RABGAP1L: variants seen among roughly 807,000 people sequenced by gnomAD.
The protein encoded by RABGAP1L is rab GTPase-activating protein 1-like.
RABGAP1L carries 63 observed loss-of-function variants against 137.7 expected under a neutral mutation model. That is an observed-to-expected ratio of 0.46 (90% confidence interval 0.37 to 0.56). The LOEUF (loss-of-function observed/expected upper bound fraction) is 0.56, where lower values mean the gene tolerates loss of function less well. Ranked by LOEUF, RABGAP1L falls within the 20% of genes least tolerant of loss-of-function variation. The probability of loss-of-function intolerance (pLI) is 0.00; values close to 1 mark genes in which losing one functional copy is unlikely to be tolerated. For synonymous variants in RABGAP1L, 431 were observed against 433.7 expected, an observed-to-expected ratio of 0.99 and a Z score of 0.08; for missense variants, 1,095 against 1,244.0, an observed-to-expected ratio of 0.88 and a Z score of 1.80.
intron 19 of RABGAP1L, among the ~76,000 whole-genome samples, chr1:174,838,998 T>C (rs1336062042): frequency 7.7e-6 from 1 of 129,924 alleles, no homozygotes; most frequent in Non-Finnish European, 1.6e-5. Flanking sequence ...GAGTGACAAG[T>C]AAGTATGAGC....
intron 12 of RABGAP1L, among the ~76,000 whole-genome samples, chr1:174,391,038 G>T (rs1050978789): frequency 2.6e-5 from 4 of 152,170 alleles, no homozygotes; most frequent in Non-Finnish European, 5.9e-5. Context: ...TGTGAAGGTG[G>T]ATAAAGAAGT....
At chr1:174,654,650 C>T (rs1487988418) in intron 14 of RABGAP1L, among the ~76,000 whole-genome samples, 1 of 151,990 alleles carries the variant, frequency 6.6e-6, no homozygotes, top group Non-Finnish European at 1.5e-5. Context: ...ATATGGTGTT[C>T]TAGTTGTTTT....
At chr1:174,326,622 A>T in intron 11 of RABGAP1L, among the ~76,000 whole-genome samples, 1 of 152,124 alleles carries the variant, frequency 6.6e-6, no homozygotes, top group East Asian at 1.9e-4. Context: ...GGAGTAGGGG[A>T]AGGGGATAGA....
intron 25 of RABGAP1L, among the ~76,000 whole-genome samples, chr1:174,989,243 T>C (rs909729793): frequency 8.5e-5 from 13 of 152,218 alleles, no homozygotes; most frequent in South Asian, 8.3e-4. Context: ...TTAGAGCTTC[T>C]TTTTATCTTT....
At chr1:174,683,119 C>G (rs1268016531) in intron 14 of RABGAP1L, among the ~76,000 whole-genome samples, 1 of 134,148 alleles carries the variant, frequency 7.5e-6, no homozygotes, top group Non-Finnish European at 1.5e-5. Flanking sequence ...ACTTCTGTCT[C>G]AGCAATATCA....
chr1:174,642,786 C>CCTCTT (rs1258165129), intron 14 of RABGAP1L, among the ~76,000 whole-genome samples: 2 of 136,544 alleles, frequency 1.5e-5, no homozygotes, highest in East Asian at 4.5e-4. Flanking sequence ...CCTCTCCTCT[C>CCTCTT]CTCTTCTCTC....
chr1:174,849,360 C>T (rs940572082), intron 19 of RABGAP1L, among the ~76,000 whole-genome samples: 11 of 152,098 alleles, frequency 7.2e-5, no homozygotes, highest in Non-Finnish European at 1.2e-4. Flanking sequence ...GGATATTTCC[C>T]AAGGGGCCAT....
intron 4 of RABGAP1L, among the ~76,000 whole-genome samples, chr1:174,233,575 C>T (rs367704061): frequency 1.4e-5 from 2 of 141,648 alleles, no homozygotes; most frequent in Non-Finnish European, 3.0e-5. Context: ...TTCATCCATG[C>T]CCCTACAAAG....
At chr1:174,194,953 A>G (rs1336675837) in intron 1 of RABGAP1L, among the ~76,000 whole-genome samples, 1 of 151,848 alleles carries the variant, frequency 6.6e-6, no homozygotes, top group Non-Finnish European at 1.5e-5. Context: ...TTTATTGTTC[A>G]CTCTTAGTTC....
At chr1:174,838,637 A>G (rs1692999573) in intron 19 of RABGAP1L, among the ~76,000 whole-genome samples, 1 of 152,190 alleles carries the variant, frequency 6.6e-6, no homozygotes, top group South Asian at 2.1e-4. Context: ...GAGGCAGACA[A>G]AAATGACATG....
chr1:174,219,387 T>C, intron 2 of RABGAP1L, 92 bp downstream of exon 2: 1 of 853,782 alleles, frequency 1.2e-6, no homozygotes, highest in Non-Finnish European at 1.6e-6. Flanking sequence ...TTTTCTCAAG[T>C]GCTGACTTTC....
chr1:174,620,575 T>C (rs1247367721), intron 13 of RABGAP1L, among the ~76,000 whole-genome samples: 2 of 152,134 alleles, frequency 1.3e-5, no homozygotes, highest in African/African-American at 4.8e-5. Context: ...AAAGATGTTC[T>C]TTGAAACCAA....
At chr1:174,875,657 A>G (rs1479294150) in intron 19 of RABGAP1L, 2 of 985,462 alleles carry the variant, frequency 2.0e-6, no homozygotes, top group Non-Finnish European at 2.4e-6. Context: ...TGGTGAATGC[A>G]TGAAGAGGTT....
chr1:174,166,386 A>G (rs1378549820), intron 1 of RABGAP1L, among the ~76,000 whole-genome samples: 4 of 152,208 alleles, frequency 2.6e-5, no homozygotes, highest in African/African-American at 4.8e-5. Context: ...TTCAGGCAGA[A>G]GGGTAGTTTA....
chr1:174,734,375 C>G (rs570455303), intron 17 of RABGAP1L, among the ~76,000 whole-genome samples: 1 of 152,034 alleles, frequency 6.6e-6, no homozygotes, highest in African/African-American at 2.4e-5. Flanking sequence ...TTCAGTAAAG[C>G]TTTCAAAGCC....
chr1:174,937,737 C>T (rs1410541658), intron 19 of RABGAP1L, among the ~76,000 whole-genome samples: 1 of 148,362 alleles, frequency 6.7e-6, no homozygotes, highest in African/African-American at 2.5e-5. Context: ...TGCTTTATCA[C>T]CCAGGCTGGA....
chr1:174,386,251 A>G (rs1458138435), intron 12 of RABGAP1L, among the ~76,000 whole-genome samples: 1 of 152,214 alleles, frequency 6.6e-6, no homozygotes, highest in Non-Finnish European at 1.5e-5. Context: ...TTGTTGCAGC[A>G]GCTCTCTGAG....
chr1:174,265,544 G>GAAAA (rs1048423205), intron 7 of RABGAP1L, among the ~76,000 whole-genome samples: 1 of 104,090 alleles, frequency 9.6e-6, no homozygotes, highest in Non-Finnish European at 2.0e-5. Flanking sequence ...AGCCTGTCTT[G>GAAAA]AAAAAAAAAA....
intron 13 of RABGAP1L, among the ~76,000 whole-genome samples, chr1:174,399,545 G>A (rs754698719): frequency 6.6e-6 from 1 of 152,058 alleles, no homozygotes; most frequent in Non-Finnish European, 1.5e-5. Context: ...CCTACCAGAG[G>A]CCTCAGATTA....
Sources: gnomAD v4.1 joint callset for allele counts (sites outside exome capture counted in the v4.1 genomes callset) on GRCh38, gnomAD v4.1.1 for gene constraint, MANE v1.5 for transcripts, NCBI Gene and HGNC (gene_info 2026-07-23, HGNC 2026-07-21) for gene names.